The following PIGK variants were observed in gnomAD, a reference collection of about 807,000 sequenced individuals.
PIGK encodes phosphatidylinositol glycan anchor biosynthesis class K.
A neutral mutation model predicts 50.6 loss-of-function variants in PIGK; 42 were observed. The ratio of observed to expected loss-of-function variants is 0.83; its 90% CI spans 0.65 to 1.07. The LOEUF (loss-of-function observed/expected upper bound fraction) is 1.07. Among genes scored for constraint, PIGK ranks in the 50% least tolerant of loss-of-function variants. The pLI is 0.00. For missense variants in PIGK, 448 were observed against 488.7 expected (o/e 0.92, Z 0.78); for synonymous variants, 151 against 156.0 (o/e 0.97, Z 0.24).
chr1:77,120,192 G>A (rs1361336896), intron 10 of PIGK, among the ~76,000 whole-genome samples: 1 of 152,068 alleles, frequency 6.6e-6, no homozygotes, highest in Non-Finnish European at 1.5e-5. Context: ...ATGTATTACT[G>A]TTCTCTTAGG....
chr1:77,156,771 G>A (rs1655017698), intron 8 of PIGK, among the ~76,000 whole-genome samples: 1 of 152,086 alleles, frequency 6.6e-6, no homozygotes, highest in African/African-American at 2.4e-5. Context: ...CATATAAATT[G>A]CATTGTTATC....
At chr1:77,123,456 C>G (rs536493885) in intron 9 of PIGK, among the ~76,000 whole-genome samples, 17 of 152,154 alleles carry the variant, frequency 1.1e-4, no homozygotes, top group African/African-American at 4.1e-4. Flanking sequence ...GATTTAAGAG[C>G]TTCAAGAACC....
intron 2 of PIGK, among the ~76,000 whole-genome samples, chr1:77,209,847 A>G (rs969655665): frequency 6.6e-6 from 1 of 152,068 alleles, no homozygotes; most frequent in Non-Finnish European, 1.5e-5. Context: ...ATAAAATCAT[A>G]TATCTATATA....
At chr1:77,193,211 C>T (rs1279260410) in intron 3 of PIGK, among the ~76,000 whole-genome samples, 2 of 151,136 alleles carry the variant, frequency 1.3e-5, no homozygotes, top group Admixed American at 1.3e-4. Context: ...AGAACAGTTT[C>T]CATCAGACTG....
Position 77,210,489 on chromosome 1 carries a change from C to A in PIGK, c.94G>T (p.Asp32Tyr). 1 of 1,582,978 alleles carries A rather than the reference C, an allele frequency of 6.3e-7. No homozygotes were observed. The highest frequency in any genetic ancestry group is 8.6e-7 in the Non-Finnish European group (1 of 1,159,816). ...FGSVAASHIE[D>Y]QAEQFFRSGH... ...CTTCTAAAGAATTGTTCTGCTTGAT[C>A]CTAAATAAAGCAAAACAAATAGAAG... is the stretch of plus-strand genomic sequence containing the variant. The change falls in exon 2 of 11, where the codon GAT (aspartate) becomes TAT (tyrosine). Residue 32 changes from aspartate (D) to tyrosine (Y), a missense_variant and splice_region_variant. Asp to Tyr is a radical substitution (Grantham distance 160). Coordinates refer to ENST00000370812, the MANE Select transcript of PIGK (RefSeq NM_005482.3).
chr1:77,091,357 C>A lies in PIGK; in HGVS notation c.*1017G>T, dbSNP rs1653294195. ...CTTACTGCCTTATAGGATACATCAG[C>A]CAGACATGAAGGCTAGGCCATAAGC... On this transcript the variant is annotated 3_prime_UTR_variant, in exon 11 of 11. Transcript: ENST00000370812. 6.6e-6 allele frequency: 1 copy of A among 152,190 alleles called. No individual in the cohort carries two copies. Among genetic ancestry groups the A allele is most frequent in the East Asian group, 1.9e-4 (1 of 5,200 alleles). 9.4% of individuals were successfully genotyped at this position (152,190 alleles called of 1,614,324 possible).
chr1:77,154,377 AT>A, intron 9 of PIGK, 71 bp downstream of exon 9: 1 of 1,191,198 alleles, frequency 8.4e-7, no homozygotes. Flanking sequence ...TTGCCTCTTA[AT>A]ACAATGTTTC....
intron 3 of PIGK, among the ~76,000 whole-genome samples, chr1:77,173,065 G>A (rs999766769): frequency 2.6e-5 from 4 of 152,000 alleles, no homozygotes; most frequent in Non-Finnish European, 5.9e-5. Context: ...CAATATTTTT[G>A]GTAAAAATGA....
At chr1:77,160,160 C>G (rs1655101793) in intron 8 of PIGK, among the ~76,000 whole-genome samples, 1 of 152,070 alleles carries the variant, frequency 6.6e-6, no homozygotes, top group African/African-American at 2.4e-5. Flanking sequence ...AAGTGTAATT[C>G]CCCTGCACAC....
At chr1:77,140,288 C>T (rs1188729855) in intron 9 of PIGK, among the ~76,000 whole-genome samples, 1 of 151,938 alleles carries the variant, frequency 6.6e-6, no homozygotes, top group Non-Finnish European at 1.5e-5. Flanking sequence ...CAAACCCTTG[C>T]CTTCCTCCCT....
At chr1:77,107,079 T>G (rs1653700907) in intron 10 of PIGK, among the ~76,000 whole-genome samples, 1 of 152,208 alleles carries the variant, frequency 6.6e-6, no homozygotes, top group South Asian at 2.1e-4. Context: ...TTTTTGTGTC[T>G]CTATCTCCTT....
At chr1:77,120,377 C>A (rs1279446532) in intron 10 of PIGK, among the ~76,000 whole-genome samples, 1 of 151,966 alleles carries the variant, frequency 6.6e-6, no homozygotes, top group East Asian at 1.9e-4. Flanking sequence ...CACCACTAAG[C>A]CCAGCTAATT....
At chr1:77,206,554 A>G (rs1178482200) in intron 3 of PIGK, 86 bp downstream of exon 3, 1 of 809,700 alleles carries the variant, frequency 1.2e-6, no homozygotes, top group East Asian at 2.5e-5. Flanking sequence ...CTTTTTCAAA[A>G]GTAACACAAA....
rs778130093 is a variant in PIGK at position 77,136,536 on chromosome 1, C to CAAAA, written c.987-14181_987-14178dup. 2.4e-4 allele frequency among the ~76,000 whole-genome samples: 15 copies of CAAAA among 63,588 alleles called. 1 individual carries two copies. Among genetic ancestry groups the CAAAA allele is most frequent in the African/African-American group, 4.3e-4 (7 of 16,094 alleles). 41.7% of individuals were successfully genotyped at this position (63,588 alleles called of 152,430 possible). ...TGGGCGACAGAGCGAGACTCCGTCT[C>CAAAA]AAAAAAAAAAAAAAAAAAAAAAAAG... On this transcript the variant is annotated intron_variant, in intron 9 of 10. Transcript: ENST00000370812.
chr1:77,160,585 G>C (rs528592533), intron 8 of PIGK, among the ~76,000 whole-genome samples: 4 of 152,220 alleles, frequency 2.6e-5, no homozygotes, highest in African/African-American at 9.6e-5. Context: ...AAACATTTAT[G>C]AAAGAATAAA....
At chr1:77,115,384 A>G (rs1653937876) in intron 10 of PIGK, among the ~76,000 whole-genome samples, 1 of 152,162 alleles carries the variant, frequency 6.6e-6, no homozygotes, top group African/African-American at 2.4e-5. Flanking sequence ...TTGGTCCTCA[A>G]CCTGAGGTGG....
intron 9 of PIGK, among the ~76,000 whole-genome samples, chr1:77,144,817 T>C (rs1654730873): frequency 6.6e-6 from 1 of 151,970 alleles, no homozygotes; most frequent in South Asian, 2.1e-4. Flanking sequence ...TTGGTGCCTT[T>C]ATAAATTAAA....
In PIGK at chr1:77,164,922, G is replaced by A. The variant is rs114983546; in HGVS notation, c.488-980C>T. Among the ~76,000 whole-genome samples, 423 of 152,108 alleles carry A rather than the reference G, an allele frequency of 2.8e-3. 1 individual carries two copies. The highest frequency in any genetic ancestry group is 9.2e-3 in the African/African-American group (382 of 41,494). ...TTATCATATTATCATAATTATCAAC[G>A]TTTTTATTCTCTTACAGACCCTGGC... On this transcript the variant is annotated intron_variant, in intron 5 of 10. Transcript: ENST00000370812.
intron 9 of PIGK, among the ~76,000 whole-genome samples, chr1:77,129,950 T>C (rs1272257921): frequency 6.6e-6 from 1 of 151,842 alleles, no homozygotes; most frequent in Non-Finnish European, 1.5e-5. Context: ...TAAATTTTTA[T>C]AAGAAATAGT....
Sources: gnomAD v4.1 joint callset for allele counts (sites outside exome capture counted in the v4.1 genomes callset) on GRCh38, gnomAD v4.1.1 for gene constraint, MANE v1.5 for transcripts, NCBI Gene and HGNC (gene_info 2026-07-23, HGNC 2026-07-21) for gene names.